Variants in SGK3 observed in about 807,000 individuals in gnomAD.
The protein encoded by SGK3 is serine/threonine-protein kinase Sgk3.
In SGK3, 47 loss-of-function variants were observed where a neutral mutation model predicts 68.5. The observed-to-expected ratio is 0.69, with a 90% CI of 0.54 to 0.87. The LOEUF is 0.87. Ranked by LOEUF, SGK3 falls within the 40% of genes least tolerant of loss-of-function variation. SGK3 has a pLI of 0.00. For synonymous variants in SGK3, 181 were observed against 189.1 expected (o/e 0.96, Z 0.35); for missense variants, 479 against 575.5 (o/e 0.83, Z 1.72).
chr8:66,843,323 A>G (rs1809870057), intron 13 of SGK3, 129 bp from the exon 14 acceptor site: 1 of 774,300 alleles, frequency 1.3e-6, no homozygotes, highest in Admixed American at 2.6e-5. Flanking sequence ...TATCCAACCC[A>G]CTGGAAATCT....
At chr8:66,790,453 A>G (rs894321222) in intron 1 of SGK3, among the ~76,000 whole-genome samples, 2 of 152,160 alleles carry the variant, frequency 1.3e-5, no homozygotes, top group African/African-American at 2.4e-5. Context: ...AGCCTCATCT[A>G]TGCCTACCCA....
At chr8:66,731,630 G>T (rs1805155752) in intron 1 of SGK3, among the ~76,000 whole-genome samples, 1 of 152,246 alleles carries the variant, frequency 6.6e-6, no homozygotes, top group Admixed American at 6.5e-5. Flanking sequence ...TGCCTCCTGG[G>T]TTCATGCCAT....
At chr8:66,728,090 C>T (rs367572817) in intron 1 of SGK3, among the ~76,000 whole-genome samples, 16 of 152,214 alleles carry the variant, frequency 1.1e-4, no homozygotes, top group South Asian at 6.2e-4. Context: ...TATCTAATTC[C>T]AGAACTTTCA....
chr8:66,740,275 A>G (rs1327013504), intron 1 of SGK3, among the ~76,000 whole-genome samples: 1 of 152,186 alleles, frequency 6.6e-6, no homozygotes, highest in Non-Finnish European at 1.5e-5. Context: ...AACATTAACA[A>G]ATTTAAAAAA....
At position 66,861,982 on chromosome 8, in the gene SGK3, T is replaced by C. The variant is rs1049233245; in HGVS notation, c.*2401T>C. 4 of 152,154 alleles carry C rather than the reference T, an allele frequency of 2.6e-5. No homozygotes were observed. The highest frequency in any genetic ancestry group is 5.9e-5 in the Non-Finnish European group (4 of 68,004). The allele number at this position is 152,154 out of a possible 1,614,324, so 9.4% of individuals were successfully genotyped here. ...TTGATGTTTCTCAGATCACAAGAAA[T>C]ACAAATCTATATAGTATAATAAAAT... On this transcript the variant is annotated 3_prime_UTR_variant, in exon 17 of 17. Transcript: ENST00000521198.
At chr8:66,722,221 G>T (rs1448796518) in intron 1 of SGK3, among the ~76,000 whole-genome samples, 1 of 152,088 alleles carries the variant, frequency 6.6e-6, no homozygotes, top group East Asian at 1.9e-4. Flanking sequence ...GAGAGTAAAG[G>T]CTTATTTTCT....
At chr8:66,819,940 C>G (rs1808742518) in intron 5 of SGK3, among the ~76,000 whole-genome samples, 1 of 151,976 alleles carries the variant, frequency 6.6e-6, no homozygotes, top group South Asian at 2.1e-4. Context: ...GCCTCAGCCT[C>G]CTGAGTAGCT....
At chr8:66,765,104 A>C (rs1304490006) in intron 1 of SGK3, among the ~76,000 whole-genome samples, 3 of 152,244 alleles carry the variant, frequency 2.0e-5, no homozygotes, top group Admixed American at 1.3e-4. Context: ...GGTCATACAG[A>C]AATACTGTGT....
chr8:66,730,609 GTTAA>G (rs1403743861), intron 1 of SGK3, among the ~76,000 whole-genome samples: 2 of 152,088 alleles, frequency 1.3e-5, no homozygotes, highest in East Asian at 3.8e-4. Flanking sequence ...TCTGTTTTGA[GTTAA>G]TTTTTGTTTA....
intron 1 of SGK3, among the ~76,000 whole-genome samples, chr8:66,789,374 G>A (rs181311105): frequency 3.6e-4 from 55 of 152,288 alleles, no homozygotes; most frequent in African/African-American, 1.2e-3. Flanking sequence ...TTCTTAGTAG[G>A]AAAAGGGGAG....
At chr8:66,733,882 GCAGTGT>G (rs1030551246) in intron 1 of SGK3, among the ~76,000 whole-genome samples, 6 of 152,144 alleles carry the variant, frequency 3.9e-5, no homozygotes, top group Non-Finnish European at 8.8e-5. Flanking sequence ...GGGTTTCTTT[GCAGTGT>G]CATTTAGCTT....
chr8:66,844,446 C>G (rs1156572080), intron 14 of SGK3, among the ~76,000 whole-genome samples: 18 of 152,140 alleles, frequency 1.2e-4, no homozygotes, highest in Admixed American at 3.9e-4. Context: ...GCCAGAGCTT[C>G]TGATTAATGA....
At chr8:66,787,694 T>A (rs1193924701) in intron 1 of SGK3, among the ~76,000 whole-genome samples, 1 of 152,250 alleles carries the variant, frequency 6.6e-6, no homozygotes, top group Non-Finnish European at 1.5e-5. Flanking sequence ...CAAGTCATCT[T>A]GACCACATGA....
chr8:66,827,871 C>T (rs917182587), intron 6 of SGK3, among the ~76,000 whole-genome samples: 7 of 152,110 alleles, frequency 4.6e-5, no homozygotes, highest in Admixed American at 2.0e-4. Context: ...CAACTGTAAT[C>T]CCAGCACTTT....
chr8:66,741,076 C>T (rs1355476536), intron 1 of SGK3, among the ~76,000 whole-genome samples: 2 of 152,092 alleles, frequency 1.3e-5, no homozygotes, highest in Admixed American at 6.6e-5. Flanking sequence ...GTCTAAACTC[C>T]TAACCTTGCC....
intron 1 of SGK3, among the ~76,000 whole-genome samples, chr8:66,771,515 G>A: frequency 1.3e-5 from 2 of 152,280 alleles, no homozygotes; most frequent in East Asian, 3.9e-4. Context: ...ACCTTAATAG[G>A]ACATAGAGCT....
intron 1 of SGK3, among the ~76,000 whole-genome samples, chr8:66,734,409 T>A (rs945938313): frequency 1.9e-4 from 29 of 152,276 alleles, no homozygotes; most frequent in South Asian, 1.9e-3. Context: ...TTGTTAAAAT[T>A]GTGAAAACCA....
At chr8:66,845,321 C>CCTGGGAGGCGGAGGTT (rs1411241948) in intron 14 of SGK3, among the ~76,000 whole-genome samples, 6 of 152,068 alleles carry the variant, frequency 3.9e-5, no homozygotes. Context: ...ATCACTTGAA[C>CCTGGGAGGCGGAGGTT]CTGGGAGGCG....
At chr8:66,755,015 T>C (rs1805931076) in intron 1 of SGK3, among the ~76,000 whole-genome samples, 1 of 152,066 alleles carries the variant, frequency 6.6e-6, no homozygotes, top group Non-Finnish European at 1.5e-5. Flanking sequence ...TCCCAGCACT[T>C]TGGGAGGCGG....
Sources: gnomAD v4.1 joint callset for allele counts (sites outside exome capture counted in the v4.1 genomes callset) on GRCh38, gnomAD v4.1.1 for gene constraint, MANE v1.5 for transcripts, NCBI Gene and HGNC (gene_info 2026-07-23, HGNC 2026-07-21) for gene names.